LYPD1: variants seen among roughly 807,000 people sequenced by gnomAD.
LYPD1 encodes the protein LY6/PLAUR domain containing 1, also known as ly6/PLAUR domain-containing protein 1.
In LYPD1, 14 loss-of-function variants were observed where a neutral mutation model predicts 14.2. The observed-to-expected ratio is 0.99, with a 90% CI of 0.65 to 1.54. The LOEUF (loss-of-function observed/expected upper bound fraction) is 1.54, where lower values mean the gene tolerates loss of function less well. Among genes scored for constraint, LYPD1 ranks in the 40% most tolerant of loss-of-function variants. The pLI is 0.00. For missense variants in LYPD1, 165 were observed against 175.7 expected, an observed-to-expected ratio of 0.94 and a Z score of 0.34; for synonymous variants, 85 against 70.6, an observed-to-expected ratio of 1.20 and a Z score of -1.02.
At chr2:132,651,997 G>T (rs897146586) in intron 2 of LYPD1, among the ~76,000 whole-genome samples, 2 of 152,210 alleles carry the variant, frequency 1.3e-5, no homozygotes, top group Non-Finnish European at 2.9e-5. Flanking sequence ...GGAAGGAATG[G>T]CTGGGTTCTA....
intron 2 of LYPD1, among the ~76,000 whole-genome samples, chr2:132,652,169 T>A (rs1292874302): frequency 6.6e-6 from 1 of 152,200 alleles, no homozygotes; most frequent in Non-Finnish European, 1.5e-5. Flanking sequence ...CATCCCTGCA[T>A]GATTTTTCTC....
intron 2 of LYPD1, among the ~76,000 whole-genome samples, chr2:132,655,050 T>C (rs957967078): frequency 1.1e-4 from 17 of 152,068 alleles, no homozygotes; most frequent in African/African-American, 3.4e-4. Flanking sequence ...CCTTTTTAAT[T>C]CTCTCTGCCC....
rs1682023328 is a variant in LYPD1 at position 132,645,590 on chromosome 2, A to T, written c.*455T>A. The T allele has an allele frequency of 2.5e-6, 4 of 1,611,278 alleles. No individual in the cohort carries two copies. The African/African-American group carries it at 4.0e-5, about 16-fold the overall frequency. On this transcript the variant is annotated 3_prime_UTR_variant, in exon 3 of 3. Coordinates refer to ENST00000397463, the MANE Select transcript of LYPD1 (RefSeq NM_144586.7). ...AATTCTGCTGCAGAGAATGGTTTTC[A>T]GGAGCATGAAGTTTGAATGTCAAGC... is the stretch of plus-strand genomic sequence containing the variant.
chr2:132,645,984 TG>T lies in LYPD1; in HGVS notation c.*60del, dbSNP rs1321048863. The T allele has an allele frequency of 1.1e-5, 13 of 1,235,408 alleles. No individual in the cohort carries two copies. The highest frequency in any genetic ancestry group is 5.0e-5 in the South Asian group (3 of 59,894). The allele number at this position is 1,235,408 out of a possible 1,614,324, so 76.5% of individuals were successfully genotyped here. A position where few individuals can be genotyped will look rare whatever the true frequency, so the allele number is the denominator to read the frequency against. On this transcript the variant is annotated 3_prime_UTR_variant, in exon 3 of 3. Transcript: ENST00000397463. ...CCCAGAAGAAACTCACTCAGGGAGG[TG>T]GGGGGTTGGGGGCGAGGGCTGGAAG... is the stretch of plus-strand genomic sequence containing the variant.
At chr2:132,656,146 C>G (rs1418121458) in intron 2 of LYPD1, among the ~76,000 whole-genome samples, 1 of 152,208 alleles carries the variant, frequency 6.6e-6, no homozygotes, top group African/African-American at 2.4e-5. Flanking sequence ...TTCTGTGGAC[C>G]ATTATGCATC....
chr2:132,670,369 G>A (rs1163052036), upstream of LYPD1, among the ~76,000 whole-genome samples: 3 of 152,070 alleles, frequency 2.0e-5, no homozygotes, highest in Non-Finnish European at 4.4e-5. This position sits in a 1 kb window ranked among gnomAD's most constrained non-coding sequence, Gnocchi z 4.5. Context: ...CTCTTCTCCC[G>A]CCTCCGCACG....
chr2:132,660,042 A>G (rs1325758869), intron 2 of LYPD1, among the ~76,000 whole-genome samples: 1 of 152,210 alleles, frequency 6.6e-6, no homozygotes, highest in Non-Finnish European at 1.5e-5. Context: ...GTATGCATGG[A>G]CCACTGCAGG....
chr2:132,644,846 TATAA>T lies in LYPD1; in HGVS notation c.*1195_*1198del. The stretch of plus-strand genomic sequence containing the variant: ...TTTAAAATTAACAGACATCAACTGG[TATAA>T]ATACACTGTCTAAAGCATTTAATGG... On this transcript the variant is annotated 3_prime_UTR_variant, in exon 3 of 3. Coordinates refer to ENST00000397463, the MANE Select transcript of LYPD1 (RefSeq NM_144586.7). 2.0e-6 allele frequency: 1 copy of T among 496,892 alleles called. No homozygotes were observed. Among genetic ancestry groups the T allele is most frequent in the East Asian group, 3.4e-5 (1 of 29,708 alleles). The allele number at this position is 496,892 out of a possible 1,614,324, so 30.8% of individuals were successfully genotyped here. A position where few individuals can be genotyped will look rare whatever the true frequency, so the allele number is the denominator to read the frequency against.
upstream of LYPD1, among the ~76,000 whole-genome samples, chr2:132,670,421 G>A (rs896261431): frequency 2.0e-5 from 3 of 152,136 alleles, no homozygotes; most frequent in Admixed American, 2.0e-4. The surrounding 1 kb of genome is among the most constrained non-coding windows in gnomAD (Gnocchi z 4.5). Flanking sequence ...AGAACTGGTA[G>A]TTTTCTGAGA....
At position 132,670,001 on chromosome 2, in the gene LYPD1, C is replaced by G. The variant is rs1239096630; in HGVS notation, c.-69G>C. ...GAGGCGACAGCAGCGGAGGCTGCCC[C>G]GGCTGCAGCGGCTGTGGCTGCCGAG... On this transcript the variant is annotated 5_prime_UTR_variant, in exon 1 of 3. Coordinates refer to ENST00000397463, the MANE Select transcript of LYPD1 (RefSeq NM_144586.7). The surrounding 1 kb of genome is among the most constrained non-coding windows in gnomAD (Gnocchi z 4.5). The G allele has an allele frequency of 1.9e-6, 3 of 1,582,334 alleles. No individual in the cohort carries two copies. The highest frequency in any genetic ancestry group is 1.7e-6 in the Non-Finnish European group (2 of 1,170,696).
At chr2:132,668,919 G>A (rs1181802461) in intron 1 of LYPD1, among the ~76,000 whole-genome samples, 2 of 152,232 alleles carry the variant, frequency 1.3e-5, no homozygotes, top group African/African-American at 4.8e-5. Context: ...TTGCTAATTG[G>A]TTACAAATTA....
Position 132,669,559 on chromosome 2 carries a change from A to G in LYPD1, c.52+322T>C, listed in dbSNP as rs1683511709. On this transcript the variant is annotated intron_variant, in intron 1 of 2. Coordinates refer to ENST00000397463, the MANE Select transcript of LYPD1 (RefSeq NM_144586.7). This position sits in a 1 kb window ranked among gnomAD's most constrained non-coding sequence, Gnocchi z 4.3. ...CAGACAACTTGGCAGGGTTCGGGAG[A>G]TGTCGCCCCCTCTCCCTCGCCCAGA... Among the ~76,000 whole-genome samples, 2 of 151,610 alleles carry G rather than the reference A, an allele frequency of 1.3e-5. No individual in the cohort carries two copies. Among genetic ancestry groups the G allele is most frequent in the Admixed American group, 1.3e-4 (2 of 15,238 alleles).
In LYPD1 at chr2:132,655,514, ATTTTTT is replaced by A. The variant is rs1180944589; in HGVS notation, c.191-9240_191-9235del. 1.6e-4 allele frequency among the ~76,000 whole-genome samples: 16 copies of A among 99,494 alleles called. 1 individual carries two copies. The highest frequency in any genetic ancestry group is 6.7e-4 in the African/African-American group (14 of 20,784). 65.3% of individuals were successfully genotyped at this position (99,494 alleles called of 152,430 possible). On this transcript the variant is annotated intron_variant, in intron 2 of 2. Coordinates refer to ENST00000397463, the MANE Select transcript of LYPD1 (RefSeq NM_144586.7). ...ATGATTCTCTTGGGGGTTGAGAAGC[ATTTTTT>A]TTTTTTTTTTTTGAGATGGAGTCTC...
At chr2:132,648,479 C>T (rs1682231930) in intron 2 of LYPD1, among the ~76,000 whole-genome samples, 1 of 77,346 alleles carries the variant, frequency 1.3e-5, no homozygotes, top group South Asian at 4.2e-4. Flanking sequence ...TGTTTGCACA[C>T]AGTTGTATCA....
chr2:132,659,379 T>A (rs758506065), intron 2 of LYPD1, among the ~76,000 whole-genome samples: 2 of 151,826 alleles, frequency 1.3e-5, no homozygotes, highest in Non-Finnish European at 2.9e-5. Flanking sequence ...CATGAGAGAG[T>A]GTGCGTGAGA....
At chr2:132,665,342 C>T (rs535571329) in intron 2 of LYPD1, among the ~76,000 whole-genome samples, 5 of 152,226 alleles carry the variant, frequency 3.3e-5, no homozygotes, top group African/African-American at 9.6e-5. Context: ...TTTTCTTAGT[C>T]GATTTAAAGC....
At chr2:132,660,448 A>G (rs1682865931) in intron 2 of LYPD1, 1 of 152,244 alleles carries the variant, frequency 6.6e-6, no homozygotes, top group Admixed American at 6.5e-5. Flanking sequence ...GCAATTTACT[A>G]ATAAGAGAAC....
At chr2:132,660,355 A>G (rs1054220857) in intron 2 of LYPD1, among the ~76,000 whole-genome samples, 5 of 152,206 alleles carry the variant, frequency 3.3e-5, no homozygotes, top group Admixed American at 6.5e-5. Flanking sequence ...CGAACTCTCT[A>G]TGGTTTCACC....
At chr2:132,646,359 G>A (rs1558873020) in intron 2 of LYPD1, 79 bp from the exon 3 acceptor site, 2 of 977,470 alleles carry the variant, frequency 2.0e-6, no homozygotes, top group Admixed American at 3.9e-5. Context: ...AAATCCAAAC[G>A]GACAGCTCTT....
Sources: gnomAD v4.1 joint callset for allele counts (sites outside exome capture counted in the v4.1 genomes callset) on GRCh38, gnomAD v4.1.1 for gene constraint, Gnocchi (gnomAD v3.1) non-coding constraint, MANE v1.5 for transcripts, NCBI Gene and HGNC (gene_info 2026-07-23, HGNC 2026-07-21) for gene names.